The following CORO2B variants were observed in gnomAD, a reference collection of about 807,000 sequenced individuals.
CORO2B encodes the protein coronin-2B.
Under a neutral mutation model 58.8 loss-of-function variants are expected in CORO2B, and 26 were observed. That is an observed-to-expected ratio of 0.44 (90% CI 0.32 to 0.61). CORO2B has a LOEUF of 0.61. CORO2B is among the 20% of genes least tolerant of loss of function. The pLI is 0.04. For synonymous variants in CORO2B, 242 were observed against 253.8 expected, an observed-to-expected ratio of 0.95 and a Z score of 0.44; for missense variants, 460 against 645.1, an observed-to-expected ratio of 0.71 and a Z score of 3.11.
intron 1 of CORO2B, among the ~76,000 whole-genome samples, chr15:68,600,091 A>T (rs187987328): frequency 1.2e-4 from 18 of 152,318 alleles, no homozygotes; most frequent in Admixed American, 3.9e-4. Context: ...TGCTTCAGGG[A>T]TAAAAGATAC....
intron 5 of CORO2B, among the ~76,000 whole-genome samples, chr15:68,712,950 T>C (rs1240858444): frequency 6.6e-6 from 1 of 152,150 alleles, no homozygotes; most frequent in Non-Finnish European, 1.5e-5. Flanking sequence ...GGTCTTCTCT[T>C]GGGCTACACT....
Position 68,711,573 on chromosome 15 carries a change from C to T in CORO2B, c.515C>T (p.Pro172Leu), listed in dbSNP as rs1210149937. Residue 172 changes from proline to leucine, a missense_variant, in exon 5 of 12, where the codon CCG becomes CTG. Pro to Leu is a moderately conservative substitution (Grantham distance 98). Around this residue, in one of 2 missense-constraint regions of CORO2B, gnomAD observed 352 missense variants for 543.0 expected, o/e 0.65. Coordinates refer to ENST00000261861, the MANE Select transcript of CORO2B (RefSeq NM_006091.5). ...VLIWNLDVGE[P>L]VKMIDCHTDV... ...ATCTGGAACCTGGATGTGGGTGAGCCGGTGAAGATGATTGACTGCCACACG... is the reference window on the plus strand; with the variant it reads ...ATCTGGAACCTGGATGTGGGTGAGCTGGTGAAGATGATTGACTGCCACACG... The T allele has an allele frequency of 6.2e-6, 10 of 1,613,378 alleles. No homozygotes were observed. The highest frequency in any genetic ancestry group is 1.1e-5 in the South Asian group (1 of 91,040).
the CORO2B span, among the ~76,000 whole-genome samples, chr15:68,524,878 G>T: frequency 6.6e-6 from 1 of 152,234 alleles, no homozygotes; most frequent in South Asian, 2.1e-4. Context: ...CAGCTGATCA[G>T]AGGCAGAGGC....
At chr15:68,597,680 C>T (rs2140237190) in intron 1 of CORO2B, among the ~76,000 whole-genome samples, 1 of 152,136 alleles carries the variant, frequency 6.6e-6, no homozygotes, top group Non-Finnish European at 1.5e-5. Context: ...CGAACAAAAT[C>T]CTCCATTGCT....
intron 1 of CORO2B, among the ~76,000 whole-genome samples, chr15:68,638,904 G>T (rs1366788009): frequency 6.6e-6 from 1 of 152,210 alleles, no homozygotes; most frequent in Non-Finnish European, 1.5e-5. Flanking sequence ...CTGGCCCCTT[G>T]CTGATTCTGT....
At chr15:68,648,048 AG>A (rs1901508550) in intron 2 of CORO2B, among the ~76,000 whole-genome samples, 1 of 138,650 alleles carries the variant, frequency 7.2e-6, no homozygotes, top group Non-Finnish European at 1.5e-5. Flanking sequence ...AAAAAAAAAA[AG>A]AGTCTGGGCA....
At chr15:68,547,787 A>T in the CORO2B span, among the ~76,000 whole-genome samples, 4 of 152,222 alleles carry the variant, frequency 2.6e-5, no homozygotes, top group African/African-American at 9.7e-5. Flanking sequence ...ACATACAGAC[A>T]TATGTTCCAT....
chr15:68,536,811 A>G, the CORO2B span, among the ~76,000 whole-genome samples: 4 of 152,242 alleles, frequency 2.6e-5, no homozygotes, highest in African/African-American at 9.6e-5. Context: ...GAAGTGGCAG[A>G]GACACTTTCT....
chr15:68,601,287 T>C (rs1223106216), intron 1 of CORO2B, among the ~76,000 whole-genome samples: 1 of 152,168 alleles, frequency 6.6e-6, no homozygotes. Flanking sequence ...GCCGCTGGGC[T>C]CCAGGGCGGC....
In CORO2B at chr15:68,670,076, A is replaced by G. The variant is rs9972579; in HGVS notation, c.216+24716A>G. Among the ~76,000 whole-genome samples the G allele has an allele frequency of 5.1e-3, 629 of 122,866 alleles. 2 individuals are homozygous for G. Among genetic ancestry groups the G allele is most frequent in the African/African-American group, 0.017 (436 of 25,040 alleles). 80.6% of individuals were successfully genotyped at this position (122,866 alleles called of 152,430 possible). ...TGTCTCAGAAAAAAAAAAGGGGGGG[A>G]AAAATAAAGAAAAATTTAAAAATTT... On this transcript the variant is annotated intron_variant, in intron 2 of 11. Coordinates refer to ENST00000261861, the MANE Select transcript of CORO2B (RefSeq NM_006091.5).
the CORO2B span, among the ~76,000 whole-genome samples, chr15:68,537,534 A>C: frequency 1.3e-5 from 2 of 151,870 alleles, no homozygotes; most frequent in African/African-American, 4.8e-5. Flanking sequence ...CAGGGTGTGC[A>C]GGTTTGTTAC....
At position 68,726,530 on chromosome 15, in the gene CORO2B, T is replaced by G. The variant is rs1893305710; in HGVS notation, c.*556T>G. 1 of 159,984 alleles carries G rather than the reference T, an allele frequency of 6.3e-6. No individual in the cohort carries two copies. Among genetic ancestry groups the G allele is most frequent in the Non-Finnish European group, 1.4e-5 (1 of 73,294 alleles). 9.9% of individuals were successfully genotyped at this position (159,984 alleles called of 1,614,324 possible). A position where few individuals can be genotyped will look rare whatever the true frequency, so the allele number is the denominator to read the frequency against. On this transcript the variant is annotated 3_prime_UTR_variant, in exon 12 of 12. Transcript: ENST00000261861. ...CAGCGAGCGGCCCGGCTCCTTTCTGTCTCTTCCCTTCCCACCCTCTTGTCT... is the reference window on the plus strand; with the variant it reads ...CAGCGAGCGGCCCGGCTCCTTTCTGGCTCTTCCCTTCCCACCCTCTTGTCT...
At chr15:68,550,696 C>G in the CORO2B span, among the ~76,000 whole-genome samples, 3 of 152,212 alleles carry the variant, frequency 2.0e-5, no homozygotes, top group Admixed American at 6.5e-5. Flanking sequence ...GGTGCTGTCT[C>G]AGAACAAATC....
chr15:68,577,961 C>T (rs919525757), upstream of CORO2B, among the ~76,000 whole-genome samples: 2 of 152,150 alleles, frequency 1.3e-5, no homozygotes, highest in African/African-American at 4.8e-5. Flanking sequence ...CACTTCCGGG[C>T]TTGCCAGGCT....
Position 68,726,038 on chromosome 15 carries a change from C to A in CORO2B, c.*64C>A. 6.3e-7 allele frequency: 1 copy of A among 1,594,126 alleles called. No homozygotes were observed. The highest frequency in any genetic ancestry group is 8.5e-7 in the Non-Finnish European group (1 of 1,174,740). On this transcript the variant is annotated 3_prime_UTR_variant, in exon 12 of 12. Transcript: ENST00000261861. Reference sequence around the variant, plus strand: ...CGTTTCTACTCATCCCTTAACTTCTCCCTTACCAGTGACCCCAGAGACAGA... The same window carrying A: ...CGTTTCTACTCATCCCTTAACTTCTACCTTACCAGTGACCCCAGAGACAGA...
intron 1 of CORO2B, among the ~76,000 whole-genome samples, chr15:68,632,655 A>ATCTTGGCTCACTGCATCC (rs1900877564): frequency 1.3e-5 from 2 of 152,184 alleles, no homozygotes; most frequent in African/African-American, 4.8e-5. Context: ...CAGTGGTGCT[A>ATCTTGGCTCACTGCATCC]TCTTGGCTCA....
chr15:68,645,324 A>G lies in CORO2B; in HGVS notation c.180A>G (p.Ala60=), dbSNP rs1170401396. ...TRFLAIVTES[A]GGGSFLVIPL... is the part of the protein sequence containing the mutation. ...TCCTGGCCATCGTCACCGAGAGCGC[A>G]GGGGGCGGCTCCTTCCTCGTCATCC... The change falls in exon 2 of 12, where the codon GCA becomes GCG. Residue 60 remains alanine (A), a synonymous_variant. Coordinates refer to ENST00000261861, the MANE Select transcript of CORO2B (RefSeq NM_006091.5). This position sits in a 1 kb window ranked among gnomAD's most constrained non-coding sequence, Gnocchi z 4.5. The G allele has an allele frequency of 6.2e-7, 1 of 1,612,204 alleles. No homozygotes were observed. The highest frequency in any genetic ancestry group is 1.3e-5 in the African/African-American group (1 of 74,674).
rs7164681 is a variant in CORO2B, at chr15:68,616,596, C to T, written c.16-28564C>T. On this transcript the variant is annotated intron_variant, in intron 1 of 11. Coordinates refer to ENST00000261861, the MANE Select transcript of CORO2B (RefSeq NM_006091.5). ...TTGTGCAAGTCTTCCAGGCCGCGGTCGAATGATTCTGACAAGCGGTGAGTA... is the reference window on the plus strand; with the variant it reads ...TTGTGCAAGTCTTCCAGGCCGCGGTTGAATGATTCTGACAAGCGGTGAGTA... The T allele has an allele frequency of 3.8e-3, 3,708 of 985,424 alleles. 108 individuals carry two copies. The African/African-American group carries it at 0.061, about 16-fold the overall frequency. The allele number at this position is 985,424 out of a possible 1,614,324, so 61.0% of individuals were successfully genotyped here.
intron 1 of CORO2B, among the ~76,000 whole-genome samples, chr15:68,619,361 A>G (rs1208287436): frequency 6.6e-6 from 1 of 152,214 alleles, no homozygotes; most frequent in Non-Finnish European, 1.5e-5. Context: ...TTAGAGAAGG[A>G]TGTAAATAAA....
Sources: gnomAD v4.1 joint callset for allele counts (sites outside exome capture counted in the v4.1 genomes callset) on GRCh38, gnomAD v4.1.1 for gene constraint, gnomAD v4.1.1 regional missense constraint, Gnocchi (gnomAD v3.1) non-coding constraint, MANE v1.5 for transcripts, NCBI Gene and HGNC (gene_info 2026-07-23, HGNC 2026-07-21) for gene names.